Variants in SHROOM2 observed in about 807,000 individuals in gnomAD.
SHROOM2 encodes protein Shroom2.
In SHROOM2, 33 loss-of-function variants were observed where a neutral mutation model predicts 75.9. The ratio of observed to expected loss-of-function variants is 0.43; its 90% CI spans 0.33 to 0.58. SHROOM2 has a LOEUF of 0.58. Ranked by LOEUF, SHROOM2 falls within the 20% of genes least tolerant of loss-of-function variation. SHROOM2 has a pLI of 0.04. For synonymous variants in SHROOM2, 655 were observed against 663.6 expected (o/e 0.99, Z 0.20); for missense variants, 1,434 against 1,461.2 (o/e 0.98, Z 0.30).
At position 9,890,157 on chromosome X, in the gene SHROOM2, A is replaced by G. The variant is rs1435251909; in HGVS notation, c.318-820A>G. Among the ~76,000 whole-genome samples the G allele has an allele frequency of 8.9e-5, 10 of 112,163 alleles. No individual in the cohort carries two copies. In the Admixed American group the frequency reaches 9.4e-4, roughly 11 times the overall value. On this transcript the variant is annotated intron_variant, in intron 2 of 9. Coordinates refer to ENST00000380913, the MANE Select transcript of SHROOM2 (RefSeq NM_001649.4). Reference sequence around the variant, plus strand: ...CAAGGTGAGTGGATCACTTGAGGTCAGGAGTTCAAGACCAGCCTGGCCAAC... The same window carrying G: ...CAAGGTGAGTGGATCACTTGAGGTCGGGAGTTCAAGACCAGCCTGGCCAAC...
At chrX:9,826,239 G>A (rs1301138231) in intron 1 of SHROOM2, among the ~76,000 whole-genome samples, 1 of 112,145 alleles carries the variant, frequency 8.9e-6, no homozygotes, top group African/African-American at 3.2e-5. Flanking sequence ...ATTGGAATTT[G>A]CAAGCGGGTC....
intron 1 of SHROOM2, chrX:9,819,340 C>G (rs938765129): frequency 6.1e-6 from 3 of 494,195 alleles, no homozygotes; most frequent in Non-Finnish European, 1.1e-5. Context: ...CAATTAAGCG[C>G]CTTTGCAGTG....
At chrX:9,795,587 T>C (rs775628386) in intron 1 of SHROOM2, among the ~76,000 whole-genome samples, 2 of 111,638 alleles carry the variant, frequency 1.8e-5, no homozygotes, top group South Asian at 7.5e-4. Flanking sequence ...TTAGAGGTTG[T>C]CTTCAAATGT....
intron 5 of SHROOM2, among the ~76,000 whole-genome samples, chrX:9,900,081 C>A (rs1415357664): frequency 1.8e-5 from 2 of 111,184 alleles, no homozygotes; most frequent in African/African-American, 6.5e-5. Context: ...AAGCGGGGCC[C>A]CCTGCTTCAT....
At chrX:9,852,040 A>C (rs1238826341) in intron 1 of SHROOM2, among the ~76,000 whole-genome samples, 2 of 111,435 alleles carry the variant, frequency 1.8e-5, no homozygotes, top group Non-Finnish European at 3.8e-5. Context: ...TGTTCCTTTA[A>C]AGAGTTATGG....
chrX:9,924,288 G>A (rs1470635407), intron 5 of SHROOM2, among the ~76,000 whole-genome samples: 2 of 112,584 alleles, frequency 1.8e-5, no homozygotes, highest in Non-Finnish European at 3.8e-5. Flanking sequence ...AGCTGGGCAT[G>A]CAAAGGACAA....
intron 1 of SHROOM2, among the ~76,000 whole-genome samples, chrX:9,789,201 CTG>C (rs1222520813): frequency 2.7e-5 from 3 of 111,690 alleles, no homozygotes; most frequent in African/African-American, 9.8e-5. Flanking sequence ...CTCCCAAGTG[CTG>C]TGTTTTATGG....
Position 9,866,896 on chromosome X carries a change from C to T in SHROOM2, c.166-6756C>T, listed in dbSNP as rs772003744. Among the ~76,000 whole-genome samples the T allele has an allele frequency of 4.4e-3, 492 of 110,849 alleles. 5 individuals are homozygous for T. Among genetic ancestry groups the T allele is most frequent in the African/African-American group, 0.014 (440 of 30,442 alleles). ...CCTCCTGCCTCCACGCCCTTCTTCA[C>T]GGGGAAGCCTCTGCGGAAGGCCTTC... is the stretch of plus-strand genomic sequence containing the variant. On this transcript the variant is annotated intron_variant, in intron 1 of 9. Coordinates refer to ENST00000380913, the MANE Select transcript of SHROOM2 (RefSeq NM_001649.4).
chrX:9,791,968 C>CGAGAA lies in SHROOM2; in HGVS notation c.165+5259_165+5263dup, dbSNP rs1555919559. On this transcript the variant is annotated intron_variant, in intron 1 of 9. Coordinates refer to ENST00000380913, the MANE Select transcript of SHROOM2 (RefSeq NM_001649.4). ...GGGCAACAGGAGCAAAACTCCATCT[C>CGAGAA]GAGAATAGAATAGAATAGAATAGAA... is the stretch of plus-strand genomic sequence containing the variant. Among the ~76,000 whole-genome samples the CGAGAA allele has an allele frequency of 3.8e-4, 24 of 62,841 alleles. 4 individuals carry two copies. The highest frequency in any genetic ancestry group is 1.2e-3 in the East Asian group (2 of 1,688). 54.6% of individuals were successfully genotyped at this position (62,841 alleles called of 115,157 possible).
chrX:9,863,144 G>A (rs577919717), intron 1 of SHROOM2, among the ~76,000 whole-genome samples: 9 of 111,134 alleles, frequency 8.1e-5, no homozygotes, highest in African/African-American at 2.9e-4. Context: ...GCATTCTGAC[G>A]CTGCAGCTCT....
At chrX:9,818,765 C>G in intron 1 of SHROOM2, 1 of 472,864 alleles carries the variant, frequency 2.1e-6, no homozygotes, top group South Asian at 3.0e-5. Context: ...ATGATACCCT[C>G]TTCTTTCTTT....
intron 1 of SHROOM2, among the ~76,000 whole-genome samples, chrX:9,814,394 G>T (rs1307538798): frequency 9.0e-6 from 1 of 111,372 alleles, no homozygotes; most frequent in African/African-American, 3.3e-5. Context: ...CTATTCCCAT[G>T]CCTGTTCTCC....
chrX:9,845,096 A>G (rs2083999156), intron 1 of SHROOM2, among the ~76,000 whole-genome samples: 1 of 111,854 alleles, frequency 8.9e-6, no homozygotes, highest in Non-Finnish European at 1.9e-5. Context: ...AGTAGCAGGA[A>G]GCAGCCACAG....
chrX:9,913,316 C>G (rs1318429242), intron 5 of SHROOM2: 1 of 112,550 alleles, frequency 8.9e-6, no homozygotes, highest in African/African-American at 3.2e-5. Flanking sequence ...TGCGTTTGCA[C>G]ATAGCCTGCT....
intron 5 of SHROOM2, among the ~76,000 whole-genome samples, chrX:9,920,667 A>AAT (rs767375059): frequency 4.4e-5 from 5 of 112,406 alleles, no homozygotes; most frequent in Admixed American, 3.8e-4. Context: ...AAAGTCAGCT[A>AAT]ATATGCTATA....
At chrX:9,829,857 T>C (rs2146758298) in intron 1 of SHROOM2, among the ~76,000 whole-genome samples, 1 of 112,337 alleles carries the variant, frequency 8.9e-6, no homozygotes, top group Admixed American at 9.4e-5. Context: ...GCTTTCAGGA[T>C]GAGAAAACCA....
At chrX:9,888,356 G>A (rs918985750) in intron 2 of SHROOM2, among the ~76,000 whole-genome samples, 10 of 112,319 alleles carry the variant, frequency 8.9e-5, no homozygotes, top group African/African-American at 3.2e-4. Flanking sequence ...GCCTGGTGTC[G>A]CTTTCCATAC....
chrX:9,924,547 G>A (rs2084576357), intron 5 of SHROOM2, among the ~76,000 whole-genome samples: 2 of 110,673 alleles, frequency 1.8e-5, no homozygotes, highest in South Asian at 7.7e-4. Context: ...GTAGAGACAG[G>A]GTCTTGCTAT....
chrX:9,798,795 G>C (rs1313334508), intron 1 of SHROOM2, among the ~76,000 whole-genome samples: 1 of 112,330 alleles, frequency 8.9e-6, no homozygotes, highest in Non-Finnish European at 1.9e-5. Context: ...AAACAACTAT[G>C]CTTTTTTGTA....
Sources: gnomAD v4.1 joint callset for allele counts (sites outside exome capture counted in the v4.1 genomes callset) on GRCh38, gnomAD v4.1.1 for gene constraint, MANE v1.5 for transcripts, NCBI Gene and HGNC (gene_info 2026-07-23, HGNC 2026-07-21) for gene names.